Variants in APBB2 observed in about 807,000 individuals in gnomAD.
The protein encoded by APBB2 is Fe65-like 1.
A neutral mutation model predicts 82.5 loss-of-function variants in APBB2; 38 were observed. That is an observed-to-expected ratio of 0.46 (90% CI 0.36 to 0.60). The LOEUF (loss-of-function observed/expected upper bound fraction) is 0.60, where lower values mean the gene tolerates loss of function less well. Among genes scored for constraint, APBB2 ranks in the 20% least tolerant of loss-of-function variants. The pLI, the probability that APBB2 is intolerant of heterozygous loss-of-function variation, is 0.00. For missense variants in APBB2, 772 were observed against 972.3 expected (o/e 0.79, Z 2.74); for synonymous variants, 341 against 368.2 (o/e 0.93, Z 0.85).
intron 6 of APBB2, among the ~76,000 whole-genome samples, chr4:41,009,284 T>C (rs1283060430): frequency 6.6e-6 from 1 of 152,010 alleles, no homozygotes; most frequent in Non-Finnish European, 1.5e-5. Flanking sequence ...AGATACAACC[T>C]TTCTTTTAGA....
chr4:41,052,988 C>T (rs1726599189), intron 4 of APBB2, among the ~76,000 whole-genome samples: 1 of 152,142 alleles, frequency 6.6e-6, no homozygotes, highest in African/African-American at 2.4e-5. Flanking sequence ...TGGTCTCAAA[C>T]TCCTGACCTC....
At chr4:41,196,906 C>T in intron 1 of APBB2, among the ~76,000 whole-genome samples, 1 of 152,180 alleles carries the variant, frequency 6.6e-6, no homozygotes, top group Non-Finnish European at 1.5e-5. Flanking sequence ...CCCCTCTGAA[C>T]ACAGCCCAAG....
chr4:41,082,042 C>A (rs1031350340), intron 3 of APBB2, among the ~76,000 whole-genome samples: 1 of 151,538 alleles, frequency 6.6e-6, no homozygotes, highest in Non-Finnish European at 1.5e-5. Flanking sequence ...AGGAACATGA[C>A]ACAGTATGTT....
At chr4:41,048,753 G>A (rs1355745519) in intron 4 of APBB2, among the ~76,000 whole-genome samples, 1 of 150,038 alleles carries the variant, frequency 6.7e-6, no homozygotes, top group African/African-American at 2.4e-5. Context: ...CTGCCAACTC[G>A]GCTCACTGCA....
At chr4:41,047,518 A>G (rs1723870378) in intron 4 of APBB2, among the ~76,000 whole-genome samples, 1 of 152,258 alleles carries the variant, frequency 6.6e-6, no homozygotes, top group Non-Finnish European at 1.5e-5. Flanking sequence ...GGCTAAATAC[A>G]AAGAGTGTTC....
chr4:40,861,273 T>C (rs1425358106), intron 12 of APBB2, among the ~76,000 whole-genome samples: 18 of 151,980 alleles, frequency 1.2e-4, no homozygotes. Flanking sequence ...TCACTTGAAC[T>C]TGGGAGGCAG....
At chr4:40,824,309 G>A (rs995645796) in intron 15 of APBB2, among the ~76,000 whole-genome samples, 10 of 152,070 alleles carry the variant, frequency 6.6e-5, no homozygotes, top group African/African-American at 2.2e-4. Context: ...GTCTCTTGAT[G>A]GCACCTTTAC....
intron 5 of APBB2, among the ~76,000 whole-genome samples, chr4:41,019,697 G>A (rs1436963983): frequency 6.6e-6 from 1 of 152,150 alleles, no homozygotes; most frequent in African/African-American, 2.4e-5. Context: ...TAAAGAAGTG[G>A]GAGAAAAGGA....
intron 5 of APBB2, among the ~76,000 whole-genome samples, chr4:41,017,709 C>A (rs1171251704): frequency 6.6e-6 from 1 of 152,140 alleles, no homozygotes; most frequent in Non-Finnish European, 1.5e-5. Context: ...GGGCTGCCTA[C>A]CAGGGCCCCC....
At chr4:41,032,416 A>C (rs977527331) in intron 5 of APBB2, among the ~76,000 whole-genome samples, 15 of 152,232 alleles carry the variant, frequency 9.9e-5, no homozygotes, top group African/African-American at 3.4e-4. Context: ...AGACCAAAAA[A>C]GGGATGCACA....
At chr4:40,821,786 C>T in intron 17 of APBB2, 85 bp downstream of exon 17, 1 of 1,482,158 alleles carries the variant, frequency 6.7e-7, no homozygotes, top group Non-Finnish European at 9.1e-7. Context: ...TTTTTCATTT[C>T]CGTGAGTGAT....
At chr4:40,862,082 A>G (rs11725908) in intron 12 of APBB2, among the ~76,000 whole-genome samples, 54,492 of 152,136 alleles carry the variant, frequency 0.36, 9,840 homozygotes, top group East Asian at 0.4. Flanking sequence ...CCCAAGTAGC[A>G]TAGAAAAATC....
At chr4:40,934,935 G>A (rs1188915359) in intron 8 of APBB2, 142 bp downstream of exon 8, 2 of 743,564 alleles carry the variant, frequency 2.7e-6, no homozygotes, top group Non-Finnish European at 4.3e-6. Context: ...CAACAGGAGT[G>A]TGAGCTGAAT....
chr4:40,835,940 A>G (rs1753779099), intron 12 of APBB2, among the ~76,000 whole-genome samples: 2 of 152,190 alleles, frequency 1.3e-5, no homozygotes, highest in South Asian at 2.1e-4. Context: ...GGTCCCTGCT[A>G]GGACAGCTAA....
chr4:40,995,628 C>G (rs71608055), intron 6 of APBB2, among the ~76,000 whole-genome samples: 1 of 151,266 alleles, frequency 6.6e-6, no homozygotes, highest in Admixed American at 6.6e-5. Flanking sequence ...ACTACAGCCT[C>G]GACTTCCTGA....
chr4:41,111,418 T>C (rs778310184), intron 2 of APBB2, among the ~76,000 whole-genome samples: 4 of 152,242 alleles, frequency 2.6e-5, no homozygotes, highest in African/African-American at 7.2e-5. Context: ...TCCCAAGAGA[T>C]AGCAATGCTG....
intron 3 of APBB2, among the ~76,000 whole-genome samples, chr4:41,074,608 A>ATTTTT (rs370714146): frequency 1.0e-4 from 14 of 136,660 alleles, no homozygotes; most frequent in Non-Finnish European, 1.4e-4. Flanking sequence ...TATTATTATT[A>ATTTTT]TTTTTTTTTT....
chr4:41,042,770 G>A (rs1434173822), intron 4 of APBB2, among the ~76,000 whole-genome samples: 1 of 97,968 alleles, frequency 1.0e-5, no homozygotes, highest in African/African-American at 3.0e-5. Flanking sequence ...GCAGCTGACT[G>A]TAGCCACATG....
At chr4:40,946,147 G>A (rs113189296) in intron 6 of APBB2, among the ~76,000 whole-genome samples, 7,243 of 148,464 alleles carry the variant, frequency 0.049, 264 homozygotes, top group Non-Finnish European at 0.072. Flanking sequence ...CAGGAGAAAC[G>A]CTTCAACCCA....
Sources: gnomAD v4.1 joint callset for allele counts (sites outside exome capture counted in the v4.1 genomes callset) on GRCh38, gnomAD v4.1.1 for gene constraint, MANE v1.5 for transcripts, NCBI Gene and HGNC (gene_info 2026-07-23, HGNC 2026-07-21) for gene names.